The following GNAQ variants were observed in gnomAD, a reference collection of about 807,000 sequenced individuals.
GNAQ encodes the protein guanine nucleotide-binding protein G(q) subunit alpha.
A neutral mutation model predicts 43.9 loss-of-function variants in GNAQ; 8 were observed. The ratio of observed to expected loss-of-function variants is 0.18; its 90% CI spans 0.11 to 0.33. The LOEUF is 0.33. Among genes scored for constraint, GNAQ ranks in the 10% least tolerant of loss-of-function variants. The pLI, the probability that GNAQ is intolerant of heterozygous loss-of-function variation, is 1.00. For missense variants in GNAQ, 158 were observed against 450.8 expected, an observed-to-expected ratio of 0.35 and a Z score of 5.88; for synonymous variants, 155 against 170.7, an observed-to-expected ratio of 0.91 and a Z score of 0.71.
chr9:77,723,407 A>T (rs543748215), intron 6 of GNAQ, among the ~76,000 whole-genome samples: 1 of 152,346 alleles, frequency 6.6e-6, no homozygotes, highest in South Asian at 2.1e-4. Flanking sequence ...ATCTAAAGGA[A>T]TTGAGAGCAG....
chr9:77,814,193 G>C (rs888194920), intron 3 of GNAQ, among the ~76,000 whole-genome samples: 3 of 152,126 alleles, frequency 2.0e-5, no homozygotes, highest in Non-Finnish European at 4.4e-5. Context: ...TGCAAGAGCT[G>C]AATGCATCTT....
chr9:77,947,004 C>T (rs1216884799), intron 1 of GNAQ, among the ~76,000 whole-genome samples: 1 of 152,242 alleles, frequency 6.6e-6, no homozygotes, highest in East Asian at 1.9e-4. Context: ...TTTGCCCTCT[C>T]CGGGCTACGC....
intron 5 of GNAQ, among the ~76,000 whole-genome samples, chr9:77,734,607 C>A (rs541051722): frequency 6.6e-5 from 10 of 152,108 alleles, no homozygotes; most frequent in Admixed American, 1.3e-4. Flanking sequence ...TTCCAGGGTG[C>A]AGATGCTCTT....
At position 77,763,141 on chromosome 9, in the gene GNAQ, C is replaced by CAAA. The variant is rs34812363; in HGVS notation, c.735+31319_735+31321dup. Among the ~76,000 whole-genome samples the CAAA allele has an allele frequency of 6.8e-3, 444 of 64,858 alleles. 7 individuals carry two copies. The highest frequency in any genetic ancestry group is 0.014 in the African/African-American group (409 of 28,736). The allele number at this position is 64,858 out of a possible 152,430, so 42.5% of individuals were successfully genotyped here. On this transcript the variant is annotated intron_variant, in intron 5 of 6. Transcript: ENST00000286548. ...ACAAAAAAATAAACAAACAAACAAA[C>CAAA]AAAAAAAAAAAAAACAAAGGAAAAG... is the stretch of plus-strand genomic sequence containing the variant.
intron 1 of GNAQ, among the ~76,000 whole-genome samples, chr9:77,975,536 C>CTTTTTT (rs34636918): frequency 1.7e-5 from 2 of 115,276 alleles, no homozygotes; most frequent in African/African-American, 3.7e-5. Flanking sequence ...TCAGCCCCCC[C>CTTTTTT]TTTTTTTTTT....
chr9:77,801,996 A>G (rs1177781452), intron 3 of GNAQ, among the ~76,000 whole-genome samples: 1 of 151,956 alleles, frequency 6.6e-6, no homozygotes, highest in Admixed American at 6.6e-5. Flanking sequence ...GTGAAACCCC[A>G]TCTCTACTAA....
intron 2 of GNAQ, among the ~76,000 whole-genome samples, chr9:77,918,964 G>A (rs1828956803): frequency 6.6e-6 from 1 of 152,182 alleles, no homozygotes; most frequent in South Asian, 2.1e-4. Flanking sequence ...CTGTTGCCCA[G>A]GCTGCAGCGT....
chr9:77,842,886 G>T (rs1002326994), intron 2 of GNAQ, among the ~76,000 whole-genome samples: 3 of 152,138 alleles, frequency 2.0e-5, no homozygotes, highest in Admixed American at 6.5e-5. Context: ...CTCATTAATA[G>T]AGGCACATGA....
intron 5 of GNAQ, among the ~76,000 whole-genome samples, chr9:77,779,680 CAAAA>C (rs58014303): frequency 2.1e-4 from 20 of 95,928 alleles, no homozygotes; most frequent in African/African-American, 4.6e-4. Context: ...AAAAACAAAA[CAAAA>C]AAAAAAAAAA....
intron 2 of GNAQ, among the ~76,000 whole-genome samples, chr9:77,921,811 C>T (rs1829000615): frequency 6.6e-6 from 1 of 152,066 alleles, no homozygotes; most frequent in African/African-American, 2.4e-5. Flanking sequence ...TCTTTGAAAT[C>T]CCCTATTTTG....
chr9:77,747,156 T>A (rs532636239), intron 5 of GNAQ, among the ~76,000 whole-genome samples: 76 of 152,276 alleles, frequency 5.0e-4, no homozygotes, highest in Non-Finnish European at 6.6e-4. Flanking sequence ...TAGCCTTCTA[T>A]GTATGTGGAA....
intron 5 of GNAQ, among the ~76,000 whole-genome samples, chr9:77,771,084 TGAGAA>T (rs1037906901): frequency 1.3e-5 from 2 of 152,148 alleles, no homozygotes; most frequent in Non-Finnish European, 2.9e-5. Flanking sequence ...AACCCTAAGA[TGAGAA>T]GAGGAGGAAT....
intron 2 of GNAQ, among the ~76,000 whole-genome samples, chr9:77,914,897 G>GA (rs1828872037): frequency 6.9e-6 from 1 of 145,364 alleles, no homozygotes; most frequent in South Asian, 2.2e-4. Flanking sequence ...TAGATACAAA[G>GA]AAAAAAATCT....
chr9:77,793,208 C>A (rs1039258191), intron 5 of GNAQ, among the ~76,000 whole-genome samples: 6 of 152,164 alleles, frequency 3.9e-5, no homozygotes, highest in African/African-American at 1.4e-4. Context: ...TGGTAACTTA[C>A]TGTCATATAT....
At chr9:77,852,450 C>T (rs1827686040) in intron 2 of GNAQ, among the ~76,000 whole-genome samples, 1 of 152,200 alleles carries the variant, frequency 6.6e-6, no homozygotes, top group African/African-American at 2.4e-5. Context: ...GCATAATCAA[C>T]CTGTTCTGCC....
At chr9:78,004,277 A>C (rs1326214907) in intron 1 of GNAQ, among the ~76,000 whole-genome samples, 1 of 118,240 alleles carries the variant, frequency 8.5e-6, no homozygotes, top group African/African-American at 3.4e-5. Flanking sequence ...ACTCTGTCTC[A>C]AAAAAAAAAA....
chr9:77,925,829 T>C (rs1159100737), intron 1 of GNAQ, among the ~76,000 whole-genome samples: 1 of 152,188 alleles, frequency 6.6e-6, no homozygotes, highest in East Asian at 1.9e-4. Flanking sequence ...ATTTCCCTCT[T>C]TGGACACCAA....
In GNAQ at chr9:77,726,208, C is replaced by T. The variant is rs116373141; in HGVS notation, c.889+2306G>A. Among the ~76,000 whole-genome samples the T allele has an allele frequency of 7.3e-3, 1,118 of 152,178 alleles. 10 individuals are homozygous for T. The highest frequency in any genetic ancestry group is 0.026 in the African/African-American group (1,074 of 41,506). ...CAGGCATTGATGATTTGTTTCCGGG[C>T]TAGTGCAAATTAAAAGGAGTGAAAG... On this transcript the variant is annotated intron_variant, in intron 6 of 6. Coordinates refer to ENST00000286548, the MANE Select transcript of GNAQ (RefSeq NM_002072.5).
In GNAQ at chr9:77,719,197, T is replaced by C. The variant is rs1304893187; in HGVS notation, c.*2126A>G. On this transcript the variant is annotated 3_prime_UTR_variant, in exon 7 of 7. Transcript: ENST00000286548. ...ACTGACAAATTTACATTCTCCTCTC[T>C]TAAAAAAGTAAATAAAATAACATTA... 1 of 231,486 alleles carries C rather than the reference T, an allele frequency of 4.3e-6. No individual in the cohort carries two copies. 14.3% of individuals were successfully genotyped at this position (231,486 alleles called of 1,614,324 possible).
Sources: allele counts gnomAD v4.1 joint callset (sites outside exome capture counted in the v4.1 genomes callset), GRCh38; gene constraint gnomAD v4.1.1; transcripts MANE v1.5; gene names NCBI Gene and HGNC (gene_info 2026-07-23, HGNC 2026-07-21).